RASSF2: variants seen among roughly 807,000 people sequenced by gnomAD.
RASSF2 encodes the protein Ras association domain family member 2.
A neutral mutation model predicts 46.3 loss-of-function variants in RASSF2; 34 were observed. The ratio of observed to expected loss-of-function variants is 0.73; its 90% confidence interval spans 0.56 to 0.98. The LOEUF is 0.98. RASSF2 is among the 50% of genes least tolerant of loss of function. The probability of loss-of-function intolerance (pLI) is 0.00; values close to 1 mark genes in which losing one functional copy is unlikely to be tolerated. For synonymous variants in RASSF2, 158 were observed against 162.5 expected (o/e 0.97, Z 0.21); for missense variants, 364 against 431.2 (o/e 0.84, Z 1.38).
At chr20:4,802,206 G>A (rs542106403) in intron 2 of RASSF2, among the ~76,000 whole-genome samples, 1 of 152,268 alleles carries the variant, frequency 6.6e-6, no homozygotes, top group Non-Finnish European at 1.5e-5. Flanking sequence ...CGAGTAGCTG[G>A]AACTACAGGT....
At chr20:4,808,775 T>A (rs1394393024) in intron 2 of RASSF2, among the ~76,000 whole-genome samples, 1 of 152,192 alleles carries the variant, frequency 6.6e-6, no homozygotes, top group Non-Finnish European at 1.5e-5. Context: ...GTGAGCTATC[T>A]CTCAAAAATC....
rs745891967 is a variant in RASSF2, at chr20:4,789,689, C to T, written c.546G>A (p.Val182=). 6.2e-7 allele frequency: 1 copy of T among 1,613,948 alleles called. No individual in the cohort carries two copies. Among genetic ancestry groups the T allele is most frequent in the South Asian group, 1.1e-5 (1 of 91,078 alleles). Residue 182 remains valine (V), a synonymous_variant, in exon 8 of 12, where the codon GTG becomes GTA. Coordinates refer to ENST00000379400, the MANE Select transcript of RASSF2 (RefSeq NM_014737.3). ...TGACAGAGCCATAGGCTGGTGTGAA[C>T]ACGGATGTCTGTCAATAGAAGGGCC... The part of the protein sequence containing the change: ...NGHFYNHKTS[V]FTPAYGSVTN...
At chr20:4,796,002 A>G (rs748308750) in intron 4 of RASSF2, 36 bp from the exon 5 acceptor site, 13 of 1,464,692 alleles carry the variant, frequency 8.9e-6, no homozygotes, top group Non-Finnish European at 1.0e-5. Flanking sequence ...GAGCCTAGAA[A>G]AGCCCCCACA....
rs148768132 is a variant in RASSF2 at position 4,808,704 on chromosome 20, T to C, written c.-32-7642A>G. ...TCTCACTATGTTGCCCAGGCTGGTTTCAAACTCCTGGCCTCAAGCAATCCT... is the reference window on the plus strand; with the variant it reads ...TCTCACTATGTTGCCCAGGCTGGTTCCAAACTCCTGGCCTCAAGCAATCCT... On this transcript the variant is annotated intron_variant, in intron 2 of 11. Coordinates refer to ENST00000379400, the MANE Select transcript of RASSF2 (RefSeq NM_014737.3). Among the ~76,000 whole-genome samples the C allele has an allele frequency of 2.3e-3, 343 of 152,194 alleles. 2 individuals are homozygous for C. The South Asian group carries it at 0.023, about 10-fold the overall frequency.
Position 4,798,092 on chromosome 20 carries a change from G to T in RASSF2, c.60-7C>A. ...ATGCAAGAGAAGTTCATTTCTTAGG[G>T]GGAAAAATAGAAGAGATATAACATT... On this transcript the variant is annotated splice_polypyrimidine_tract_variant and splice_region_variant and intron_variant, in intron 3 of 11. Transcript: ENST00000379400. 6.2e-7 allele frequency: 1 copy of T among 1,613,464 alleles called. No individual in the cohort carries two copies. The highest frequency in any genetic ancestry group is 1.1e-5 in the South Asian group (1 of 91,012).
intron 2 of RASSF2, among the ~76,000 whole-genome samples, chr20:4,804,715 A>G (rs567080499): frequency 6.6e-6 from 1 of 152,290 alleles, no homozygotes; most frequent in Non-Finnish European, 1.5e-5. Context: ...CCTTCTACAC[A>G]TGTATAAATT....
intron 2 of RASSF2, among the ~76,000 whole-genome samples, chr20:4,809,462 C>T (rs1160107504): frequency 6.6e-6 from 1 of 152,156 alleles, no homozygotes; most frequent in Non-Finnish European, 1.5e-5. Flanking sequence ...ACTCCCACTT[C>T]GGCCTGCCCT....
chr20:4,798,841 C>CA lies in RASSF2; in HGVS notation c.60-757dup, dbSNP rs202031937. On this transcript the variant is annotated intron_variant, in intron 3 of 11. Coordinates refer to ENST00000379400, the MANE Select transcript of RASSF2 (RefSeq NM_014737.3). The stretch of plus-strand genomic sequence containing the variant: ...ACTCCATCTCAAAAAAACAAACAAA[C>CA]AAACAAAAAAAAAAAAACTTGCAAA... Among the ~76,000 whole-genome samples the CA allele has an allele frequency of 2.0e-3, 196 of 97,282 alleles. 1 individual carries two copies. The highest frequency in any genetic ancestry group is 9.1e-3 in the Admixed American group (91 of 9,956). 63.8% of individuals were successfully genotyped at this position (97,282 alleles called of 152,430 possible). A position where few individuals can be genotyped will look rare whatever the true frequency, so the allele number is the denominator to read the frequency against.
intron 11 of RASSF2, 60 bp from the exon 12 acceptor site, chr20:4,784,402 C>T: frequency 6.5e-7 from 1 of 1,527,466 alleles, no homozygotes; most frequent in Non-Finnish European, 9.1e-7. Context: ...TGCCCAGGAC[C>T]TTCCCGGCCA....
intron 2 of RASSF2, among the ~76,000 whole-genome samples, chr20:4,815,449 C>T (rs924242961): frequency 1.3e-5 from 2 of 152,150 alleles, no homozygotes; most frequent in Non-Finnish European, 1.5e-5. Flanking sequence ...TAAAGTCCCC[C>T]CTGCACCCCA....
chr20:4,792,634 G>C lies in RASSF2; in HGVS notation c.288-7C>G. The C allele has an allele frequency of 6.2e-7, 1 of 1,613,748 alleles. No individual in the cohort carries two copies. Among genetic ancestry groups the C allele is most frequent in the Non-Finnish European group, 8.5e-7 (1 of 1,179,850 alleles). ...CAGGGGCTTCAGAGTGGTTCTGGGA[G>C]TGGAGAAGACAAAGGGGAGGGGGGA... On this transcript the variant is annotated splice_polypyrimidine_tract_variant and splice_region_variant and intron_variant, in intron 5 of 11. Transcript: ENST00000379400.
rs1034725015 is a variant in RASSF2, at chr20:4,812,374, A to G, written c.-33+9955T>C. Among the ~76,000 whole-genome samples, 32 of 152,224 alleles carry G rather than the reference A, an allele frequency of 2.1e-4. No individual in the cohort carries two copies. The highest frequency in any genetic ancestry group is 7.0e-4 in the African/African-American group (29 of 41,450). On this transcript the variant is annotated intron_variant, in intron 2 of 11. Transcript: ENST00000379400. The surrounding 1 kb of genome is among the most constrained non-coding windows in gnomAD (Gnocchi z 4.0). Reference sequence around the variant, plus strand: ...ACAAAGAAGCTATGCCACTTGCCCAAAGACACACAGCTAGAAGGGGCGGAG... The same window carrying G: ...ACAAAGAAGCTATGCCACTTGCCCAGAGACACACAGCTAGAAGGGGCGGAG...
intron 3 of RASSF2, among the ~76,000 whole-genome samples, chr20:4,799,152 C>T (rs1601107003): frequency 1.3e-5 from 2 of 152,118 alleles, no homozygotes; most frequent in East Asian, 1.9e-4. Context: ...CCTGGCAATA[C>T]TTTTTCAGTT....
In RASSF2 at chr20:4,790,997, T is replaced by C. The variant is rs2422993; in HGVS notation, c.377-386A>G. On this transcript the variant is annotated intron_variant, in intron 6 of 11. Coordinates refer to ENST00000379400, the MANE Select transcript of RASSF2 (RefSeq NM_014737.3). This position sits in a 1 kb window ranked among gnomAD's most constrained non-coding sequence, Gnocchi z 4.3. ...AATAGTGCCTGGCACAGGATAAGCA[T>C]GATATAAGAGCTAACAAGATACTGC... is the stretch of plus-strand genomic sequence containing the variant. Among the ~76,000 whole-genome samples, 76,158 of 152,056 alleles carry C rather than the reference T, an allele frequency of 0.5. 19,511 individuals carry two copies. The highest frequency in any genetic ancestry group is 0.6 in the African/African-American group (24,905 of 41,456).
intron 2 of RASSF2, among the ~76,000 whole-genome samples, chr20:4,815,956 C>A (rs1048411059): frequency 1.3e-5 from 2 of 152,222 alleles, no homozygotes; most frequent in Admixed American, 6.5e-5. Context: ...ACAGCTGTCT[C>A]CCGGGGCTTT....
rs1925810348 is a variant in RASSF2 at position 4,790,815 on chromosome 20, C to T, written c.377-204G>A. ...AAAGTTCAGAGAACAGACTTCAGAG[C>T]CGGACTCCCTGGGTTCAAATCCCTG... is the stretch of plus-strand genomic sequence containing the variant. On this transcript the variant is annotated intron_variant, in intron 6 of 11. Coordinates refer to ENST00000379400, the MANE Select transcript of RASSF2 (RefSeq NM_014737.3). This position sits in a 1 kb window ranked among gnomAD's most constrained non-coding sequence, Gnocchi z 4.3. 6.6e-6 allele frequency among the ~76,000 whole-genome samples: 1 copy of T among 152,164 alleles called. No individual in the cohort carries two copies. Among genetic ancestry groups the T allele is most frequent in the South Asian group, 2.1e-4 (1 of 4,828 alleles).
At chr20:4,816,957 T>C (rs1928363149) in intron 2 of RASSF2, among the ~76,000 whole-genome samples, 1 of 151,998 alleles carries the variant, frequency 6.6e-6, no homozygotes, top group African/African-American at 2.4e-5. Flanking sequence ...TACAAAAAAT[T>C]AGCCTGGCGT....
chr20:4,798,129 C>G (rs767323305), intron 3 of RASSF2, 44 bp from the exon 4 acceptor site: 9 of 1,608,836 alleles, frequency 5.6e-6, no homozygotes, highest in Non-Finnish European at 7.6e-6. Flanking sequence ...TCAGCTGAAG[C>G]CACTTATAAT....
At chr20:4,794,082 A>G (rs913023015) in intron 5 of RASSF2, among the ~76,000 whole-genome samples, 3 of 152,204 alleles carry the variant, frequency 2.0e-5, no homozygotes, top group Non-Finnish European at 2.9e-5. Context: ...TACAGCAATA[A>G]TACAGTATAG....
Sources: allele counts gnomAD v4.1 joint callset (sites outside exome capture counted in the v4.1 genomes callset), GRCh38; gene constraint gnomAD v4.1.1; non-coding constraint Gnocchi (gnomAD v3.1); transcripts MANE v1.5; gene names NCBI Gene and HGNC (gene_info 2026-07-23, HGNC 2026-07-21).